Variants in CD180 observed in about 807,000 individuals in gnomAD.
The protein encoded by CD180 is CD180 antigen.
CD180 carries 11 observed loss-of-function variants against 10.7 expected under a neutral mutation model. The ratio of observed to expected loss-of-function variants is 1.03; its 90% CI spans 0.65 to 1.70. The LOEUF (loss-of-function observed/expected upper bound fraction) is 1.70. Ranked by LOEUF, CD180 falls within the 40% of genes most tolerant of loss-of-function variation. The pLI is 0.00. For missense variants in CD180, 729 were observed against 775.2 expected, an observed-to-expected ratio of 0.94 and a Z score of 0.71; for synonymous variants, 286 against 294.6, an observed-to-expected ratio of 0.97 and a Z score of 0.30.
At chr5:67,191,398 A>G (rs1742301368) in intron 1 of CD180, among the ~76,000 whole-genome samples, 1 of 152,204 alleles carries the variant, frequency 6.6e-6, no homozygotes, top group South Asian at 2.1e-4. Flanking sequence ...ACAACCTCAC[A>G]TCATTATCGA....
At chr5:67,186,876 A>ATGTGTGTGTG (rs1742205291) in intron 1 of CD180, among the ~76,000 whole-genome samples, 7 of 126,030 alleles carry the variant, frequency 5.6e-5, no homozygotes, top group African/African-American at 1.4e-4. Context: ...GTGTGTGTGA[A>ATGTGTGTGTG]AGAGAGAGAG....
chr5:67,182,743 C>T lies in CD180; in HGVS notation c.*114G>A, dbSNP rs1350867330. 5 of 808,238 alleles carry T rather than the reference C, an allele frequency of 6.2e-6. No homozygotes were observed. The highest frequency in any genetic ancestry group is 3.7e-4 in the Middle Eastern group (1 of 2,672). 50.1% of individuals were successfully genotyped at this position (808,238 alleles called of 1,614,324 possible). ...CAGAAAAGCACAGTGAGTCCCTGCC[C>T]AGTTCCAGGAAGCAATCTGAAAAGT... On this transcript the variant is annotated 3_prime_UTR_variant, in exon 3 of 3. Transcript: ENST00000256447.
intron 1 of CD180, among the ~76,000 whole-genome samples, chr5:67,188,692 C>A (rs994276734): frequency 6.6e-6 from 1 of 152,180 alleles, no homozygotes; most frequent in Admixed American, 6.5e-5. Flanking sequence ...ACCATTGTAA[C>A]CTCATTTTCT....
Position 67,184,178 on chromosome 5 carries a change from GT to G in CD180, c.664del (p.Thr222ArgfsTer6). 1.2e-6 allele frequency: 2 copies of G among 1,614,080 alleles called. No homozygotes were observed. The highest frequency in any genetic ancestry group is 1.7e-6 in the Non-Finnish European group (2 of 1,180,004). ...KGIELGAFDSTIFQSLNFGGT... is the reference protein window; with the variant it reads ...KGIELGAFDSXIFQSLNFGGT... Reference sequence around the variant, plus strand: ...TCCAAAGTTCAAACTTTGGAAGATCGTTGAATCAAAAGCCCCAAGCTCAATA... The same window carrying G: ...TCCAAAGTTCAAACTTTGGAAGATCGTGAATCAAAAGCCCCAAGCTCAATA... On this transcript the variant is annotated frameshift_variant, in exon 3 of 3. Coordinates refer to ENST00000256447, the MANE Select transcript of CD180 (RefSeq NM_005582.3). LOFTEE classifies it low-confidence loss of function (END_TRUNC).
rs1422587412 is a variant in CD180 at position 67,184,724 on chromosome 5, C to G, written c.258-139G>C. On this transcript the variant is annotated intron_variant, in intron 2 of 2. Coordinates refer to ENST00000256447, the MANE Select transcript of CD180 (RefSeq NM_005582.3). ...AACTTTCTTCAATATCAACAGATGG[C>G]CTATTGAAGGAATTAATGAGTAGCC... 12 of 707,858 alleles carry G rather than the reference C, an allele frequency of 1.7e-5. No individual in the cohort carries two copies. The South Asian group carries it at 2.5e-4, about 15-fold the overall frequency. 43.8% of individuals were successfully genotyped at this position (707,858 alleles called of 1,614,324 possible).
At position 67,184,324 on chromosome 5, in the gene CD180, C is replaced by A; in HGVS notation, c.519G>T (p.Arg173=). 2 of 1,614,130 alleles carry A rather than the reference C, an allele frequency of 1.2e-6. No homozygotes were observed. Among genetic ancestry groups the A allele is most frequent in the Non-Finnish European group, 1.7e-6 (2 of 1,180,018 alleles). ...SIKFPKDFPA[R]NLKVLDFQNN... is the part of the protein sequence containing the mutation. ...TCTGAAAATCCAGTACTTTCAGATT[C>A]CGTGCTGGGAAGTCTTTGGGGAACT... Residue 173 remains arginine (R), a synonymous_variant, in exon 3 of 3, where the codon CGG becomes CGT. Transcript: ENST00000256447.
chr5:67,185,699 C>G (rs1777360253), intron 2 of CD180, 152 bp downstream of exon 2: 3 of 460,464 alleles, frequency 6.5e-6, no homozygotes, highest in Non-Finnish European at 1.1e-5. Flanking sequence ...TTACATTTCA[C>G]CCACATAGGA....
chr5:67,196,710 G>T lies in CD180; in HGVS notation c.-69C>A. 6.2e-7 allele frequency: 1 copy of T among 1,600,336 alleles called. No homozygotes were observed. The highest frequency in any genetic ancestry group is 1.7e-5 in the Admixed American group (1 of 59,192). On this transcript the variant is annotated 5_prime_UTR_variant, in exon 1 of 3. Coordinates refer to ENST00000256447, the MANE Select transcript of CD180 (RefSeq NM_005582.3). ...TGAGAAATGGAATCAAACTGTGAAG[G>T]CCCTGGCAATTTGGCAGCCAGAGAG...
chr5:67,183,013 C>T lies in CD180; in HGVS notation c.1830G>A (p.Pro610=), dbSNP rs766078074. Residue 610 remains proline (P), a synonymous_variant, in exon 3 of 3, where the codon CCG becomes CCA. Transcript: ENST00000256447. ...EGSEETTCAN[P]PSLRGVKLSD... ...ATAGCTTAACTCCCCTTAGAGATGG[C>T]GGGTTTGCACACGTGGTCTCCTCCG... is the stretch of plus-strand genomic sequence containing the variant. 9 of 1,614,114 alleles carry T rather than the reference C, an allele frequency of 5.6e-6. No homozygotes were observed. The South Asian group carries it at 6.6e-5, about 12-fold the overall frequency.
Position 67,184,006 on chromosome 5 carries a change from G to A in CD180, c.837C>T (p.Leu279=), listed in dbSNP as rs766169772. 8 of 1,614,160 alleles carry A rather than the reference G, an allele frequency of 5.0e-6. No homozygotes were observed. In the East Asian group the frequency reaches 8.9e-5, roughly 18 times the overall value. ...KGLCEMSVES[L]NLQEHRFSDI... ...CAGAGAAGCGGTGTTCCTGCAGGTT[G>A]AGGCTCTCAACAGACATTTCACAGA... Residue 279 remains leucine, a synonymous_variant, in exon 3 of 3, where the codon CTC becomes CTT. Coordinates refer to ENST00000256447, the MANE Select transcript of CD180 (RefSeq NM_005582.3).
Position 67,195,256 on chromosome 5 carries a change from G to A in CD180, c.90+1296C>T, listed in dbSNP as rs370976598. On this transcript the variant is annotated intron_variant, in intron 1 of 2. Transcript: ENST00000256447. ...TTTTAAGACAGAGTCTTGCTCTGTCGCCAAGGCTGGAGTGCGGTGGCACAA... is the reference window on the plus strand; with the variant it reads ...TTTTAAGACAGAGTCTTGCTCTGTCACCAAGGCTGGAGTGCGGTGGCACAA... Among the ~76,000 whole-genome samples, 14 of 152,204 alleles carry A rather than the reference G, an allele frequency of 9.2e-5. No individual in the cohort carries two copies. In the East Asian group the frequency reaches 2.1e-3, roughly 23 times the overall value.
Position 67,196,594 on chromosome 5 carries a change from G to C in CD180, c.48C>G (p.Ala16=), listed in dbSNP as rs146337741. ...SCFFWVVLFS[A]GCKVITSWDQ... ...CCCAGGAGGTGATGACTTTACAGCC[G>C]GCAGAAAACAGCACCACCCAAAAGA... Residue 16 remains alanine, a synonymous_variant, in exon 1 of 3, where the codon GCC becomes GCG. Transcript: ENST00000256447. The C allele has an allele frequency of 3.9e-5, 63 of 1,613,708 alleles. 2 individuals are homozygous for C. In the South Asian group the frequency reaches 6.8e-4, roughly 17 times the overall value.
chr5:67,185,288 T>TACAC (rs138274022), intron 2 of CD180, among the ~76,000 whole-genome samples: 14,667 of 129,886 alleles, frequency 0.11, 958 homozygotes, highest in East Asian at 0.3. Context: ...TGTCCCCTCT[T>TACAC]ACACACACAC....
intron 1 of CD180, chr5:67,191,099 C>G: frequency 1.0e-6 from 1 of 985,334 alleles, no homozygotes; most frequent in Non-Finnish European, 1.2e-6. Context: ...TCTCTGAAAA[C>G]AAAACAAACA....
chr5:67,192,045 A>G (rs1467322714), intron 1 of CD180, among the ~76,000 whole-genome samples: 1 of 152,164 alleles, frequency 6.6e-6, no homozygotes, highest in African/African-American at 2.4e-5. Flanking sequence ...CTTAAACAGG[A>G]CAGAATTGTA....
At chr5:67,194,415 C>G (rs5744473) in intron 1 of CD180, among the ~76,000 whole-genome samples, 7,035 of 152,140 alleles carry the variant, frequency 0.046, 322 homozygotes, top group East Asian at 0.2. Context: ...ACTAACCCCA[C>G]CCAGACTCCT....
In CD180 at chr5:67,183,026, G is replaced by C; in HGVS notation, c.1817C>G (p.Thr606Arg). 1 of 1,614,150 alleles carries C rather than the reference G, an allele frequency of 6.2e-7. No homozygotes were observed. The highest frequency in any genetic ancestry group is 8.5e-7 in the Non-Finnish European group (1 of 1,180,010). Reference protein sequence around the residue: ...LHKLEGSEETTCANPPSLRGV... With the variant: ...LHKLEGSEETRCANPPSLRGV... The stretch of plus-strand genomic sequence containing the variant: ...CCTTAGAGATGGCGGGTTTGCACAC[G>C]TGGTCTCCTCCGAGCCTTCAAGTTT... Residue 606 changes from threonine to arginine, a missense_variant, in exon 3 of 3, where the codon ACG (threonine) becomes AGG (arginine). By Grantham distance (71) the Thr-to-Arg change is moderately conservative. Coordinates refer to ENST00000256447, the MANE Select transcript of CD180 (RefSeq NM_005582.3).
chr5:67,181,983 T>C lies in CD180; in HGVS notation c.*874A>G, dbSNP rs1742056218. The stretch of plus-strand genomic sequence containing the variant: ...GGCAAGCCTGAGAACCAAACCACGA[T>C]TTATTTCACAGTTCTTCTGGAAAAG... On this transcript the variant is annotated 3_prime_UTR_variant, in exon 3 of 3. Coordinates refer to ENST00000256447, the MANE Select transcript of CD180 (RefSeq NM_005582.3). 1 of 152,176 alleles carries C rather than the reference T, an allele frequency of 6.6e-6. No homozygotes were observed. Among genetic ancestry groups the C allele is most frequent in the African/African-American group, 2.4e-5 (1 of 41,444 alleles). The allele number at this position is 152,176 out of a possible 1,614,324, so 9.4% of individuals were successfully genotyped here. A position where few individuals can be genotyped will look rare whatever the true frequency, so the allele number is the denominator to read the frequency against.
intron 1 of CD180, among the ~76,000 whole-genome samples, chr5:67,187,935 G>A (rs5744506): frequency 0.069 from 10,527 of 152,134 alleles, 958 homozygotes; most frequent in African/African-American, 0.21. Context: ...TTATTGGGTG[G>A]CCGAGGTAGG....
Sources: allele counts gnomAD v4.1 joint callset (sites outside exome capture counted in the v4.1 genomes callset), GRCh38; gene constraint gnomAD v4.1.1; transcripts MANE v1.5; gene names NCBI Gene and HGNC (gene_info 2026-07-23, HGNC 2026-07-21).